Variants in CACNA2D3 observed in about 807,000 individuals in gnomAD.
CACNA2D3 encodes the protein calcium voltage-gated channel auxiliary subunit alpha2delta 3.
In CACNA2D3, 60 loss-of-function variants were observed where a neutral mutation model predicts 160.6. The observed-to-expected ratio is 0.37, with a 90% CI of 0.30 to 0.46. CACNA2D3 has a LOEUF of 0.46. Ranked by LOEUF, CACNA2D3 falls within the 20% of genes least tolerant of loss-of-function variation. The pLI, the probability that CACNA2D3 is intolerant of heterozygous loss-of-function variation, is 1.00. For missense variants in CACNA2D3, 1,205 were observed against 1,365.0 expected (o/e 0.88, Z 1.85); for synonymous variants, 558 against 492.9 (o/e 1.13, Z -1.75).
Position 54,690,538 on chromosome 3 carries a change from T to C in CACNA2D3, c.1167+48297T>C, listed in dbSNP as rs186045477. Among the ~76,000 whole-genome samples the C allele has an allele frequency of 2.7e-3, 415 of 152,328 alleles. 1 individual carries two copies. Among genetic ancestry groups the C allele is most frequent in the Non-Finnish European group, 4.8e-3 (325 of 68,036 alleles). ...TTACTTTTATCTCATTTGTGTGAAC[T>C]GCTTATTTTTACCTATATTTTCCAT... On this transcript the variant is annotated intron_variant, in intron 11 of 37. Transcript: ENST00000474759.
intron 11 of CACNA2D3, among the ~76,000 whole-genome samples, chr3:54,717,888 C>CGT (rs1428210529): frequency 1.3e-5 from 2 of 149,876 alleles, no homozygotes; most frequent in African/African-American, 4.9e-5. Context: ...GGTGTGTGTG[C>CGT]GTGTGTGTGT....
chr3:54,509,966 G>A (rs1237427997), intron 5 of CACNA2D3, among the ~76,000 whole-genome samples: 1 of 152,204 alleles, frequency 6.6e-6, no homozygotes, highest in Non-Finnish European at 1.5e-5. Context: ...TATTTTCTCA[G>A]AAGTTGTATT....
At chr3:54,830,963 T>C (rs1703864495) in intron 14 of CACNA2D3, among the ~76,000 whole-genome samples, 1 of 152,190 alleles carries the variant, frequency 6.6e-6, no homozygotes, top group African/African-American at 2.4e-5. Context: ...ATTCACAAGT[T>C]ATACACACAC....
At chr3:54,170,711 A>C (rs1700546343) in intron 2 of CACNA2D3, among the ~76,000 whole-genome samples, 1 of 152,166 alleles carries the variant, frequency 6.6e-6, no homozygotes, top group Non-Finnish European at 1.5e-5. Context: ...CTTCTGTTGG[A>C]ATCAATTTAG....
chr3:54,461,767 T>C (rs1700509943), intron 4 of CACNA2D3, among the ~76,000 whole-genome samples: 1 of 152,088 alleles, frequency 6.6e-6, no homozygotes, highest in Admixed American at 6.5e-5. Flanking sequence ...TTTTTGTGTC[T>C]CTGTTTCCTT....
intron 34 of CACNA2D3, among the ~76,000 whole-genome samples, chr3:55,015,918 T>G (rs898200799): frequency 6.6e-6 from 1 of 152,250 alleles, no homozygotes; most frequent in African/African-American, 2.4e-5. Flanking sequence ...GTGTTGTTAC[T>G]GTTGGGCCTG....
rs868097734 is a variant in CACNA2D3 at position 54,646,156 on chromosome 3, C to T, written c.1167+3915C>T. 8.5e-4 allele frequency among the ~76,000 whole-genome samples: 15 copies of T among 17,734 alleles called. 1 individual carries two copies. Among genetic ancestry groups the T allele is most frequent in the African/African-American group, 2.4e-3 (13 of 5,316 alleles). The allele number at this position is 17,734 out of a possible 152,430, so 11.6% of individuals were successfully genotyped here. On this transcript the variant is annotated intron_variant, in intron 11 of 37. Coordinates refer to ENST00000474759, the MANE Select transcript of CACNA2D3 (RefSeq NM_018398.3). ...CTTCCTTCCTTCCTTCCTTCCCTCCCTCCCTCCCTCCCTCCCTCCCTCCCT... is the reference window on the plus strand; with the variant it reads ...CTTCCTTCCTTCCTTCCTTCCCTCCTTCCCTCCCTCCCTCCCTCCCTCCCT...
rs66526065 is a variant in CACNA2D3 at position 54,554,870 on chromosome 3, C to CTTTTT, written c.545-7913_545-7909dup. ...TTTCTTTTCTTTTCTCTCTCACTCT[C>CTTTTT]TTTTTTTTTTTTTTTTTTTTTGGAG... On this transcript the variant is annotated intron_variant, in intron 5 of 37. Transcript: ENST00000474759. Among the ~76,000 whole-genome samples, 461 of 96,076 alleles carry CTTTTT rather than the reference C, an allele frequency of 4.8e-3. 18 individuals are homozygous for CTTTTT. The highest frequency in any genetic ancestry group is 8.4e-3 in the East Asian group (28 of 3,324). 63.0% of individuals were successfully genotyped at this position (96,076 alleles called of 152,430 possible). A position where few individuals can be genotyped will look rare whatever the true frequency, so the allele number is the denominator to read the frequency against.
chr3:54,969,036 A>G, intron 28 of CACNA2D3, among the ~76,000 whole-genome samples: 1 of 152,164 alleles, frequency 6.6e-6, no homozygotes. Flanking sequence ...AGAAAGGGCC[A>G]CTGATAAGTT....
At chr3:54,778,034 G>A (rs532571104) in intron 13 of CACNA2D3, among the ~76,000 whole-genome samples, 1 of 152,328 alleles carries the variant, frequency 6.6e-6, no homozygotes, top group Admixed American at 6.5e-5. Flanking sequence ...TAAATTCAGA[G>A]CATTTGAAGA....
rs150839293 is a variant in CACNA2D3, at chr3:54,578,591, C to T, written c.889-3212C>T. On this transcript the variant is annotated intron_variant, in intron 8 of 37. Transcript: ENST00000474759. ...GTTCCCTTACACACATGGCTGAGCC[C>T]GGCTCCCTCTGGTGATACAGACCAG... is the stretch of plus-strand genomic sequence containing the variant. Among the ~76,000 whole-genome samples the T allele has an allele frequency of 1.9e-3, 285 of 152,286 alleles. 2 individuals carry two copies. The highest frequency in any genetic ancestry group is 6.2e-3 in the African/African-American group (258 of 41,560).
At chr3:54,667,862 A>G (rs955527734) in intron 11 of CACNA2D3, among the ~76,000 whole-genome samples, 13 of 151,700 alleles carry the variant, frequency 8.6e-5, no homozygotes, top group Non-Finnish European at 1.9e-4. Flanking sequence ...CAGGAGGATC[A>G]CCTGAGCCTG....
intron 17 of CACNA2D3, among the ~76,000 whole-genome samples, chr3:54,851,855 C>CTT (rs1449833394): frequency 6.6e-6 from 1 of 152,164 alleles, no homozygotes; most frequent in Non-Finnish European, 1.5e-5. Context: ...TCATGCTAAT[C>CTT]TTTGAAATAT....
At chr3:54,432,047 A>G (rs973459088) in intron 4 of CACNA2D3, among the ~76,000 whole-genome samples, 3 of 152,210 alleles carry the variant, frequency 2.0e-5, no homozygotes, top group African/African-American at 7.2e-5. Context: ...TCAAAACCAT[A>G]AGGGTCTATC....
At chr3:55,057,883 T>G (rs1704402610) in intron 35 of CACNA2D3, among the ~76,000 whole-genome samples, 1 of 152,242 alleles carries the variant, frequency 6.6e-6, no homozygotes, top group South Asian at 2.1e-4. Flanking sequence ...TACAAAATGC[T>G]TTGTTCATGT....
In CACNA2D3 at chr3:54,764,348, C is replaced by T. The variant is rs1253171321; in HGVS notation, c.1377C>T (p.Ser459=). 7.4e-6 allele frequency: 12 copies of T among 1,613,754 alleles called. No individual in the cohort carries two copies. Among genetic ancestry groups the T allele is most frequent in the Non-Finnish European group, 1.0e-5 (12 of 1,179,722 alleles). The change falls in exon 13 of 38, where the codon AGC becomes AGT. Residue 459 remains serine, a synonymous_variant. Transcript: ENST00000474759. ...TGTGGACCGAAGCTTACATTGACAG[C>T]ACTGTGAGTCCACGGGGCCCTGGGA... ...DVVWTEAYID[S]TLPQAQKLTD...
chr3:54,909,985 G>A (rs1159047727), intron 27 of CACNA2D3, among the ~76,000 whole-genome samples: 3 of 152,146 alleles, frequency 2.0e-5, no homozygotes, highest in African/African-American at 7.2e-5. Context: ...TTTGATCAGT[G>A]TCTGGTGGGA....
chr3:55,009,332 C>A lies in CACNA2D3; in HGVS notation c.2820-56C>A, dbSNP rs1405257983. On this transcript the variant is annotated intron_variant, in intron 33 of 37. Coordinates refer to ENST00000474759, the MANE Select transcript of CACNA2D3 (RefSeq NM_018398.3). The stretch of plus-strand genomic sequence containing the variant: ...CCAAAGAATACAGAAAGTCACTGTT[C>A]TGTGATATGGGCATGGATGACGAAG... 2.8e-6 allele frequency: 4 copies of A among 1,438,722 alleles called. No individual in the cohort carries two copies. The African/African-American group carries it at 4.2e-5, about 15-fold the overall frequency. 89.1% of individuals were successfully genotyped at this position (1,438,722 alleles called of 1,614,324 possible).
chr3:54,810,649 A>C lies in CACNA2D3; in HGVS notation c.1381-6204A>C, dbSNP rs543487882. Among the ~76,000 whole-genome samples, 15 of 152,322 alleles carry C rather than the reference A, an allele frequency of 9.8e-5. No homozygotes were observed. The East Asian group carries it at 2.9e-3, about 29-fold the overall frequency. On this transcript the variant is annotated intron_variant, in intron 13 of 37. Coordinates refer to ENST00000474759, the MANE Select transcript of CACNA2D3 (RefSeq NM_018398.3). ...TTTTTTGTTTTACACAGTTGGCAGG[A>C]AAATACTTTGTTTCTTATTTGGTCT...
Sources: gnomAD v4.1 joint callset for allele counts (sites outside exome capture counted in the v4.1 genomes callset) on GRCh38, gnomAD v4.1.1 for gene constraint, MANE v1.5 for transcripts, NCBI Gene and HGNC (gene_info 2026-07-23, HGNC 2026-07-21) for gene names.